The following PREX2 variants were observed in gnomAD, a reference collection of about 807,000 sequenced individuals.
PREX2 encodes the protein phosphatidylinositol-3,4,5-trisphosphate dependent Rac exchange factor 2, also known as phosphatidylinositol 3,4,5-trisphosphate-dependent Rac exchanger 2 protein.
A neutral mutation model predicts 203.2 loss-of-function variants in PREX2; 107 were observed. The ratio of observed to expected loss-of-function variants is 0.53; its 90% CI spans 0.45 to 0.62. PREX2 has a LOEUF of 0.62. Ranked by LOEUF, PREX2 falls within the 20% of genes least tolerant of loss-of-function variation. The pLI, the probability that PREX2 is intolerant of heterozygous loss-of-function variation, is 0.00. For missense variants in PREX2, 1,777 were observed against 1,955.9 expected (o/e 0.91, Z 1.72); for synonymous variants, 672 against 663.6 (o/e 1.01, Z -0.19).
At chr8:67,966,413 T>C (rs1006673885) in intron 1 of PREX2, among the ~76,000 whole-genome samples, 2 of 145,042 alleles carry the variant, frequency 1.4e-5, no homozygotes, top group Non-Finnish European at 3.0e-5. Flanking sequence ...TGAATATGTG[T>C]TAAGTAAAAT....
At chr8:68,079,332 T>C (rs1809443825) in intron 15 of PREX2, among the ~76,000 whole-genome samples, 1 of 152,220 alleles carries the variant, frequency 6.6e-6, no homozygotes, top group Non-Finnish European at 1.5e-5. Context: ...TTGTTGGAGC[T>C]CTGTAAAAAT....
intron 33 of PREX2, among the ~76,000 whole-genome samples, chr8:68,141,679 G>C (rs1444685697): frequency 1.3e-5 from 2 of 152,052 alleles, no homozygotes; most frequent in Non-Finnish European, 2.9e-5. Flanking sequence ...AGCAACCAAG[G>C]CAGAGGGAAC....
chr8:67,955,739 G>A (rs1805480832), intron 1 of PREX2, among the ~76,000 whole-genome samples: 1 of 152,170 alleles, frequency 6.6e-6, no homozygotes, highest in Non-Finnish European at 1.5e-5. Flanking sequence ...TGCTTGCTGA[G>A]TGCATGCATG....
At chr8:68,085,268 A>G (rs555996366) in intron 18 of PREX2, among the ~76,000 whole-genome samples, 3 of 152,180 alleles carry the variant, frequency 2.0e-5, no homozygotes, top group East Asian at 3.8e-4. Flanking sequence ...TTCTCATTTT[A>G]TTATGTTTCA....
intron 35 of PREX2, among the ~76,000 whole-genome samples, chr8:68,161,222 G>A (rs888087003): frequency 2.0e-5 from 3 of 151,982 alleles, no homozygotes; most frequent in African/African-American, 7.3e-5. Context: ...AGCCTACCAA[G>A]TAGCTGGGAC....
chr8:68,064,759 T>C (rs953296671), intron 11 of PREX2, among the ~76,000 whole-genome samples: 4 of 152,174 alleles, frequency 2.6e-5, no homozygotes, highest in African/African-American at 9.6e-5. Flanking sequence ...GTTATTTGTA[T>C]CTATTGCTTG....
intron 12 of PREX2, 139 bp from the exon 13 acceptor site, chr8:68,069,696 T>C (rs1809136278): frequency 2.2e-6 from 1 of 457,204 alleles, no homozygotes; most frequent in African/African-American, 2.0e-5. Flanking sequence ...TATCATGATA[T>C]TTGAATAATT....
At chr8:68,131,630 T>G (rs1811010271) in intron 31 of PREX2, among the ~76,000 whole-genome samples, 1 of 152,202 alleles carries the variant, frequency 6.6e-6, no homozygotes, top group South Asian at 2.1e-4. Context: ...AAAATCTTAT[T>G]TTGGCTTAAA....
At chr8:68,132,303 G>A (rs1315220408) in intron 31 of PREX2, among the ~76,000 whole-genome samples, 1 of 151,532 alleles carries the variant, frequency 6.6e-6, no homozygotes, top group Non-Finnish European at 1.5e-5. Flanking sequence ...TTCATTTCCA[G>A]TTTAGAGATT....
At chr8:68,016,244 T>TA (rs1459416922) in intron 1 of PREX2, among the ~76,000 whole-genome samples, 1 of 152,194 alleles carries the variant, frequency 6.6e-6, no homozygotes, top group East Asian at 1.9e-4. Flanking sequence ...TTTTCAACAT[T>TA]AGCACACACC....
chr8:68,007,767 G>A (rs1170101941), intron 1 of PREX2, among the ~76,000 whole-genome samples: 1 of 152,104 alleles, frequency 6.6e-6, no homozygotes. Context: ...CCGCCACCAC[G>A]CCTGGCTCAT....
At chr8:68,190,886 T>C (rs781196708) in intron 35 of PREX2, among the ~76,000 whole-genome samples, 2 of 151,894 alleles carry the variant, frequency 1.3e-5, no homozygotes, top group African/African-American at 2.4e-5. Context: ...AATTTCTGTT[T>C]AGTATCGAGC....
chr8:68,174,743 G>GCAGC (rs1355611307), intron 35 of PREX2, among the ~76,000 whole-genome samples: 2 of 152,068 alleles, frequency 1.3e-5, no homozygotes, highest in African/African-American at 4.8e-5. Context: ...TGTTGACAAA[G>GCAGC]CAGCTACTAA....
chr8:67,968,383 A>C (rs1371695545), intron 1 of PREX2, among the ~76,000 whole-genome samples: 2 of 152,134 alleles, frequency 1.3e-5, no homozygotes, highest in African/African-American at 4.8e-5. Context: ...TAGAAATGAT[A>C]TTTCTTAAGC....
At chr8:68,158,109 G>GTATATATATATTCACATATATA (rs1563569236) in intron 35 of PREX2, among the ~76,000 whole-genome samples, 5 of 21,904 alleles carry the variant, frequency 2.3e-4, no homozygotes, top group East Asian at 0.038. Context: ...GTATATATAT[G>GTATATATATATTCACATATATA]TGTGTATATA....
At chr8:68,139,441 A>G (rs1423829493) in intron 33 of PREX2, among the ~76,000 whole-genome samples, 4 of 152,146 alleles carry the variant, frequency 2.6e-5, no homozygotes, top group Non-Finnish European at 4.4e-5. Context: ...ACAGAAAAAG[A>G]GATGGAAACA....
intron 37 of PREX2, among the ~76,000 whole-genome samples, chr8:68,212,444 TG>T (rs1373058185): frequency 6.6e-6 from 1 of 152,170 alleles, no homozygotes; most frequent in African/African-American, 2.4e-5. Flanking sequence ...AATGGAGACT[TG>T]GGGGTCTGAA....
intron 36 of PREX2, 107 bp from the exon 37 acceptor site, chr8:68,192,228 C>A (rs1378537078): frequency 6.1e-6 from 5 of 816,170 alleles, no homozygotes; most frequent in South Asian, 2.0e-5. Context: ...TCCATTACCA[C>A]CAAAATGAAA....
At chr8:68,182,848 A>G (rs1812111717) in intron 35 of PREX2, among the ~76,000 whole-genome samples, 1 of 151,682 alleles carries the variant, frequency 6.6e-6, no homozygotes, top group African/African-American at 2.4e-5. Context: ...AGCTGGATAA[A>G]TTTGTTTCAG....
Sources: allele counts gnomAD v4.1 joint callset (sites outside exome capture counted in the v4.1 genomes callset), GRCh38; gene constraint gnomAD v4.1.1; transcripts MANE v1.5; gene names NCBI Gene and HGNC (gene_info 2026-07-23, HGNC 2026-07-21).